The following WIZ variants were observed in gnomAD, a reference collection of about 807,000 sequenced individuals.
The protein encoded by WIZ is WIZ zinc finger.
A neutral mutation model predicts 140.2 loss-of-function variants in WIZ; 25 were observed. The observed-to-expected ratio is 0.18, with a 90% CI of 0.13 to 0.25. The LOEUF (loss-of-function observed/expected upper bound fraction) is 0.25, where lower values mean the gene tolerates loss of function less well. Ranked by LOEUF, WIZ falls within the 10% of genes least tolerant of loss-of-function variation. WIZ has a pLI of 1.00. For synonymous variants in WIZ, 1,125 were observed against 1,154.3 expected (o/e 0.97, Z 0.51); for missense variants, 2,231 against 2,632.6 (o/e 0.85, Z 3.34).
At chr19:15,447,182 G>A in intron 2 of WIZ, among the ~76,000 whole-genome samples, 1 of 152,144 alleles carries the variant, frequency 6.6e-6, no homozygotes, top group East Asian at 1.9e-4. Flanking sequence ...GGGGTGGGGG[G>A]TGTGATACAT....
chr19:15,430,803 C>CCAGCAT (rs1969183688), intron 6 of WIZ, among the ~76,000 whole-genome samples: 1 of 152,240 alleles, frequency 6.6e-6, no homozygotes, highest in African/African-American at 2.4e-5. Context: ...GTCCCTCGCC[C>CCAGCAT]CGTGAGGGTG....
rs1203352164 is a variant in WIZ, at chr19:15,438,844, A to G, written c.2150T>C (p.Leu717Pro). The G allele has an allele frequency of 1.3e-6, 2 of 1,484,286 alleles. No homozygotes were observed. The highest frequency in any genetic ancestry group is 1.4e-5 in the African/African-American group (1 of 71,726). The allele number at this position is 1,484,286 out of a possible 1,614,324, so 91.9% of individuals were successfully genotyped here. A position where few individuals can be genotyped will look rare whatever the true frequency, so the allele number is the denominator to read the frequency against. The change falls in exon 4 of 13, where the codon CTG becomes CCG. Residue 717 changes from leucine to proline, a missense_variant. Leu to Pro is a moderately conservative substitution (Grantham distance 98, BLOSUM62 -3). Transcript: ENST00000673675. ...CGGCGCGTCCAGGAGCAGGAAGTCCAGGGGGTGGGCGCCTGCCAGCCCCAG... is the reference window on the plus strand; with the variant it reads ...CGGCGCGTCCAGGAGCAGGAAGTCCGGGGGGTGGGCGCCTGCCAGCCCCAG... ...EELGLAGAHP[L>P]DFLLLDAPLG...
chr19:15,446,401 C>T (rs1167340662), intron 2 of WIZ, among the ~76,000 whole-genome samples: 2 of 152,298 alleles, frequency 1.3e-5, no homozygotes, highest in South Asian at 2.1e-4. Context: ...GCCGGCTGTG[C>T]GACCTGGCAC....
chr19:15,429,706 C>T lies in WIZ; in HGVS notation c.3295G>A (p.Ala1099Thr). The T allele has an allele frequency of 6.9e-7, 1 of 1,446,222 alleles. No individual in the cohort carries two copies. Among genetic ancestry groups the T allele is most frequent in the Non-Finnish European group, 9.1e-7 (1 of 1,102,970 alleles). 89.6% of individuals were successfully genotyped at this position (1,446,222 alleles called of 1,614,324 possible). The part of the protein sequence containing the change: ...PLLKKTPLAL[A>T]GSPTPKNPED... ...GGATTCTTAGGGGTAGGGGAGCCCGCCAGGGCCAGTGGTGTCTTTTTGAGG... is the reference window on the plus strand; with the variant it reads ...GGATTCTTAGGGGTAGGGGAGCCCGTCAGGGCCAGTGGTGTCTTTTTGAGG... Residue 1099 changes from alanine to threonine, a missense_variant, in exon 7 of 13, where the codon GCG (alanine) becomes ACG (threonine). Transcript: ENST00000673675.
chr19:15,449,609 A>C (rs1970044195), intron 1 of WIZ, 189 bp downstream of exon 1: 1 of 150,018 alleles, frequency 6.7e-6, no homozygotes, highest in Non-Finnish European at 1.5e-5. Context: ...TAGGGGGGAC[A>C]CCTGCCCCAA....
intron 2 of WIZ, among the ~76,000 whole-genome samples, chr19:15,446,207 T>G (rs1288390110): frequency 6.6e-6 from 1 of 152,128 alleles, no homozygotes; most frequent in Non-Finnish European, 1.5e-5. Flanking sequence ...AGACCCTGGG[T>G]GATTCCCCAG....
At position 15,435,984 on chromosome 19, in the gene WIZ, G is replaced by A. The variant is rs559243102; in HGVS notation, c.2740+822C>T. On this transcript the variant is annotated intron_variant, in intron 5 of 12. Coordinates refer to ENST00000673675, the MANE Select transcript of WIZ (RefSeq NM_001371589.1). Reference sequence around the variant, plus strand: ...CTAAAAATACAAAAGTTAGCTGGGCGTGGTGATGAGCGCCTGTAATCCCAG... The same window carrying A: ...CTAAAAATACAAAAGTTAGCTGGGCATGGTGATGAGCGCCTGTAATCCCAG... Among the ~76,000 whole-genome samples, 4 of 152,230 alleles carry A rather than the reference G, an allele frequency of 2.6e-5. No homozygotes were observed. In the East Asian group the frequency reaches 5.8e-4, roughly 22 times the overall value.
rs1445515090 is a variant in WIZ, at chr19:15,420,924, G to A, written c.*2152C>T. 1 of 152,082 alleles carries A rather than the reference G, an allele frequency of 6.6e-6. No homozygotes were observed. The highest frequency in any genetic ancestry group is 1.5e-5 in the Non-Finnish European group (1 of 68,044). 9.4% of individuals were successfully genotyped at this position (152,082 alleles called of 1,614,324 possible). A position where few individuals can be genotyped will look rare whatever the true frequency, so the allele number is the denominator to read the frequency against. On this transcript the variant is annotated 3_prime_UTR_variant, in exon 13 of 13. Transcript: ENST00000673675. ...GAGCTCAGGAGTTCAAGACCAGCCC[G>A]GGCAACATGGTGAAACCCCCGTCTC...
chr19:15,432,911 T>A (rs1298471221), intron 5 of WIZ, among the ~76,000 whole-genome samples: 1 of 151,914 alleles, frequency 6.6e-6, no homozygotes, highest in Non-Finnish European at 1.5e-5. Context: ...CTGCAGCTGC[T>A]GGAAGCTTGT....
chr19:15,447,648 C>CGCTGGGT (rs1194755900), intron 2 of WIZ, among the ~76,000 whole-genome samples: 5 of 152,160 alleles, frequency 3.3e-5, no homozygotes, highest in African/African-American at 1.2e-4. Flanking sequence ...TAGCCAGCAT[C>CGCTGGGT]GCTGACTACC....
At position 15,425,809 on chromosome 19, in the gene WIZ, AGGAGGAG is replaced by A. The variant is rs1360936079; in HGVS notation, c.4367-48_4367-42del. On this transcript the variant is annotated intron_variant, in intron 9 of 12. Coordinates refer to ENST00000673675, the MANE Select transcript of WIZ (RefSeq NM_001371589.1). ...GGTAGGGGGAAGGAGGAGGAGGAGG[AGGAGGAG>A]GGAGGAGGAGGGAGGAGGAGGGAGG... 6.2e-3 allele frequency: 169 copies of A among 27,282 alleles called. 7 individuals carry two copies. Among genetic ancestry groups the A allele is most frequent in the Middle Eastern group, 0.025 (3 of 122 alleles). 1.7% of individuals were successfully genotyped at this position (27,282 alleles called of 1,614,324 possible). A position where few individuals can be genotyped will look rare whatever the true frequency, so the allele number is the denominator to read the frequency against.
At chr19:15,443,234 G>T (rs1433722327) in intron 2 of WIZ, among the ~76,000 whole-genome samples, 1 of 152,156 alleles carries the variant, frequency 6.6e-6, no homozygotes, top group Non-Finnish European at 1.5e-5. Flanking sequence ...ACCATGCCTG[G>T]GTAATTCTTC....
chr19:15,426,614 C>T (rs564955058), intron 9 of WIZ, among the ~76,000 whole-genome samples: 2 of 152,212 alleles, frequency 1.3e-5, no homozygotes, highest in Non-Finnish European at 2.9e-5. Context: ...CAGAAAGACA[C>T]AGTTCAGACG....
In WIZ at chr19:15,428,335, C is replaced by T. The variant is rs1202027839; in HGVS notation, c.3589G>A (p.Gly1197Ser). ...DVLHGLIRRDGVQIRLPPRRG... is the reference protein window; with the variant it reads ...DVLHGLIRRDSVQIRLPPRRG... ...CTGGGTGGGAGGCGGATCTGGACGC[C>T]GTCCCTCCTGATGAGCCCGTGGAGC... The change falls in exon 8 of 13, where the codon GGC becomes AGC. Residue 1197 changes from glycine (G) to serine (S), a missense_variant. Gly to Ser is a moderately conservative substitution (Grantham distance 56). Coordinates refer to ENST00000673675, the MANE Select transcript of WIZ (RefSeq NM_001371589.1). This position sits in a 1 kb window ranked among gnomAD's most constrained non-coding sequence, Gnocchi z 6.4. 4 of 1,534,744 alleles carry T rather than the reference C, an allele frequency of 2.6e-6. No homozygotes were observed. Among genetic ancestry groups the T allele is most frequent in the Non-Finnish European group, 3.5e-6 (4 of 1,146,520 alleles).
chr19:15,445,666 A>T (rs1192266253), intron 2 of WIZ, among the ~76,000 whole-genome samples: 1 of 151,834 alleles, frequency 6.6e-6, no homozygotes, highest in Non-Finnish European at 1.5e-5. Context: ...CATGTACCAG[A>T]CTCTTCATCG....
rs1179076480 is a variant in WIZ at position 15,429,919 on chromosome 19, C to T, written c.3082G>A (p.Ala1028Thr). 9 of 1,535,964 alleles carry T rather than the reference C, an allele frequency of 5.9e-6. No homozygotes were observed. In the East Asian group the frequency reaches 9.8e-5, roughly 17 times the overall value. Residue 1028 changes from alanine (A) to threonine (T), a missense_variant, in exon 7 of 13, where the codon GCC becomes ACC. By Grantham distance (58) the Ala-to-Thr change is moderately conservative (BLOSUM62 0). This residue lies in a region of WIZ where 163 missense variants were observed against 166.8 expected (regional missense o/e 0.98). Coordinates refer to ENST00000673675, the MANE Select transcript of WIZ (RefSeq NM_001371589.1). Reference protein sequence around the residue: ...ELVKQKGLPDAHLGLPPGLAK... With the variant: ...ELVKQKGLPDTHLGLPPGLAK... Reference sequence around the variant, plus strand: ...AGGCCTGGGGGCAGCCCAAGGTGGGCGTCAGGCAGACCCTTCTGCTTCACA... The same window carrying T: ...AGGCCTGGGGGCAGCCCAAGGTGGGTGTCAGGCAGACCCTTCTGCTTCACA...
chr19:15,429,483 C>CCCCCCCCCCCCCCCCAGG, intron 7 of WIZ, 103 bp downstream of exon 7: 1 of 927,830 alleles, frequency 1.1e-6, no homozygotes, highest in Non-Finnish European at 1.4e-6. Context: ...TAGTCCCCAC[C>CCCCCCCCCCCCCCCCAGG]GCCCCCACCC....
At position 15,425,588 on chromosome 19, in the gene WIZ, G is replaced by C; in HGVS notation, c.4547C>G (p.Pro1516Arg). 1 of 1,613,584 alleles carries C rather than the reference G, an allele frequency of 6.2e-7. No individual in the cohort carries two copies. The highest frequency in any genetic ancestry group is 1.1e-5 in the South Asian group (1 of 91,058). Reference sequence around the variant, plus strand: ...CGGTGGCTCCTTCTTGATGAGGCACGGCTTGGACTTCTTCTTGAGGATCTC... The same window carrying C: ...CGGTGGCTCCTTCTTGATGAGGCACCGCTTGGACTTCTTCTTGAGGATCTC... ...LREILKKKSK[P>R]CLIKKEPPAG... The change falls in exon 10 of 13, where the codon CCG (proline) becomes CGG (arginine). Residue 1516 changes from proline to arginine, a missense_variant. This residue lies in a region of WIZ where 393 missense variants were observed against 451.7 expected (regional missense o/e 0.87). Transcript: ENST00000673675.
intron 2 of WIZ, among the ~76,000 whole-genome samples, chr19:15,443,254 T>C (rs1969806508): frequency 1.3e-5 from 2 of 152,206 alleles, no homozygotes; most frequent in South Asian, 4.1e-4. Flanking sequence ...CTATGTTTAG[T>C]AGTGACGGCG....
Sources: allele counts gnomAD v4.1 joint callset (sites outside exome capture counted in the v4.1 genomes callset), GRCh38; gene constraint gnomAD v4.1.1; regional missense constraint gnomAD v4.1.1; non-coding constraint Gnocchi (gnomAD v3.1); transcripts MANE v1.5; gene names NCBI Gene and HGNC (gene_info 2026-07-23, HGNC 2026-07-21).